TLN1: variants seen among roughly 807,000 people sequenced by gnomAD.
TLN1 encodes the protein talin 1.
TLN1 carries 56 observed loss-of-function variants against 292.3 expected under a neutral mutation model. The ratio of observed to expected loss-of-function variants is 0.19; its 90% CI spans 0.15 to 0.24. TLN1 has a LOEUF of 0.24. Ranked by LOEUF, TLN1 falls within the 10% of genes least tolerant of loss-of-function variation. TLN1 has a pLI of 1.00. For synonymous variants in TLN1, 1,119 were observed against 1,253.7 expected, an observed-to-expected ratio of 0.89 and a Z score of 2.27; for missense variants, 2,433 against 3,248.2, an observed-to-expected ratio of 0.75 and a Z score of 6.10.
At position 35,724,876 on chromosome 9, in the gene TLN1, G is replaced by A. The variant is rs1209512484; in HGVS notation, c.312C>T (p.Asp104=). The change falls in exon 4 of 57, where the codon GAC becomes GAT. Residue 104 remains aspartate (D), a synonymous_variant. Coordinates refer to ENST00000314888, the MANE Select transcript of TLN1 (RefSeq NM_006289.4). The surrounding 1 kb of genome is among the most constrained non-coding windows in gnomAD (Gnocchi z 4.7). ...DGTVKTIMVD[D]SKTVTDMLMT... is the part of the protein sequence containing the mutation. ...TGAGCATGTCAGTGACAGTCTTAGA[G>A]TCATCCACCATGATCGTCTTCACAG... is the stretch of plus-strand genomic sequence containing the variant. 1 of 1,614,052 alleles carries A rather than the reference G, an allele frequency of 6.2e-7. No individual in the cohort carries two copies. Among genetic ancestry groups the A allele is most frequent in the Non-Finnish European group, 8.5e-7 (1 of 1,180,048 alleles).
Position 35,707,694 on chromosome 9 carries a change from A to T in TLN1, c.4632+37T>A, listed in dbSNP as rs1452441049. ...GGGGACTCGGGGGAGAAGATAGGAC[A>T]GGTCAGGGAGAGGCTGGGAATTCAA... On this transcript the variant is annotated intron_variant, in intron 35 of 56. Transcript: ENST00000314888. The surrounding 1 kb of genome is among the most constrained non-coding windows in gnomAD (Gnocchi z 5.6). 4 of 1,613,376 alleles carry T rather than the reference A, an allele frequency of 2.5e-6. No individual in the cohort carries two copies. In the African/African-American group the frequency reaches 5.3e-5, roughly 22 times the overall value.
chr9:35,725,433 G>C lies in TLN1; in HGVS notation c.131-112C>G, dbSNP rs16932584. 16,126 of 1,535,932 alleles carry C rather than the reference G, an allele frequency of 0.01. 1,044 individuals are homozygous for C. The African/African-American group carries it at 0.16, about 15-fold the overall frequency. ...CCATGACCTTGGGCCTAAAGAACGA[G>C]GGAACCATGGAACACAGACCTGAGG... On this transcript the variant is annotated intron_variant, in intron 2 of 56. Transcript: ENST00000314888.
At chr9:35,705,022 C>G (rs1439019565) in intron 43 of TLN1, among the ~76,000 whole-genome samples, 1 of 152,168 alleles carries the variant, frequency 6.6e-6, no homozygotes, top group Non-Finnish European at 1.5e-5. Context: ...TAGTAGCACG[C>G]AGGCACTAAG....
At position 35,699,299 on chromosome 9, in the gene TLN1, A is replaced by T; in HGVS notation, c.6874+57T>A. On this transcript the variant is annotated intron_variant, in intron 51 of 56. Coordinates refer to ENST00000314888, the MANE Select transcript of TLN1 (RefSeq NM_006289.4). This position sits in a 1 kb window ranked among gnomAD's most constrained non-coding sequence, Gnocchi z 4.0. ...GCACAGAGCTGTCCAGCCAGGAAGC[A>T]GAGATCACACCATGATAAGGGTTTT... The T allele has an allele frequency of 1.9e-6, 3 of 1,571,648 alleles. No individual in the cohort carries two copies. In the South Asian group the frequency reaches 3.5e-5, roughly 19 times the overall value.
At chr9:35,710,081 G>A (rs1003949377) in intron 33 of TLN1, among the ~76,000 whole-genome samples, 1 of 147,052 alleles carries the variant, frequency 6.8e-6, no homozygotes, top group Non-Finnish European at 1.5e-5. Context: ...AAATTAGCCG[G>A]GTGTGGTGGT....
chr9:35,723,303 A>T (rs541951628), intron 7 of TLN1: 1 of 221,380 alleles, frequency 4.5e-6, no homozygotes, highest in Admixed American at 5.4e-5. Flanking sequence ...TGGTTTCTCC[A>T]CGTTGGTCAG....
In TLN1 at chr9:35,713,032, G is replaced by A; in HGVS notation, c.3364C>T (p.Arg1122Trp). Residue 1122 changes from arginine (R) to tryptophan (W), a missense_variant, in exon 27 of 57, where the codon CGG becomes TGG. By Grantham distance (101) the Arg-to-Trp change is moderately radical (BLOSUM62 -3). Transcript: ENST00000314888. Reference protein sequence around the residue: ...GNENYAGIAARDVAGGLRSLA... With the variant: ...GNENYAGIAAWDVAGGLRSLA... Reference sequence around the variant, plus strand: ...GACCGCAGCCCACCTGCCACATCCCGAGCTGCAATACCTTGGGAGATGAGG... The same window carrying A: ...GACCGCAGCCCACCTGCCACATCCCAAGCTGCAATACCTTGGGAGATGAGG... 6.2e-7 allele frequency: 1 copy of A among 1,608,250 alleles called. No individual in the cohort carries two copies. The highest frequency in any genetic ancestry group is 8.5e-7 in the Non-Finnish European group (1 of 1,177,560).
chr9:35,721,928 G>A (rs1825884849), intron 9 of TLN1, 125 bp from the exon 10 acceptor site: 6 of 1,338,692 alleles, frequency 4.5e-6, no homozygotes, highest in Non-Finnish European at 6.3e-6. Flanking sequence ...AAGGGAAAAT[G>A]CAGGGTAGGG....
In TLN1 at chr9:35,704,918, T is replaced by C; in HGVS notation, c.5734-103A>G. 7.4e-7 allele frequency: 1 copy of C among 1,349,012 alleles called. No homozygotes were observed. Among genetic ancestry groups the C allele is most frequent in the Non-Finnish European group, 1.0e-6 (1 of 986,582 alleles). The allele number at this position is 1,349,012 out of a possible 1,614,324, so 83.6% of individuals were successfully genotyped here. A position where few individuals can be genotyped will look rare whatever the true frequency, so the allele number is the denominator to read the frequency against. ...AGGACATAGAAAAAAACATGCATTG[T>C]AGACTAAAGAAGCAGAGAGAGAAGG... On this transcript the variant is annotated intron_variant, in intron 43 of 56. Transcript: ENST00000314888. This position sits in a 1 kb window ranked among gnomAD's most constrained non-coding sequence, Gnocchi z 6.9.
intron 28 of TLN1, 29 bp downstream of exon 28, chr9:35,711,976 C>T (rs775213659): frequency 1.7e-5 from 27 of 1,610,602 alleles, no homozygotes; most frequent in Admixed American, 6.7e-5. Flanking sequence ...TTGACTCCTA[C>T]GTTCCCCCAC....
Position 35,722,869 on chromosome 9 carries a change from T to A in TLN1, c.835A>T (p.Ile279Phe). 6.2e-7 allele frequency: 1 copy of A among 1,613,872 alleles called. No individual in the cohort carries two copies. Among genetic ancestry groups the A allele is most frequent in the Non-Finnish European group, 8.5e-7 (1 of 1,179,850 alleles). The change falls in exon 8 of 57, where the codon ATC becomes TTC. Residue 279 changes from isoleucine (I) to phenylalanine (F), a missense_variant. By Grantham distance (21) the Ile-to-Phe change is conservative. Around this residue, in one of 7 missense-constraint regions of TLN1, gnomAD observed 78 missense variants for 88.8 expected, o/e 0.88. Coordinates refer to ENST00000314888, the MANE Select transcript of TLN1 (RefSeq NM_006289.4). ...EYVKQKGERK[I>F]FQAHKNCGQM... ...CCCCTACCCACATTCACCTGGAAGA[T>A]CTTACGCTCTCCCTTCTGCTTCACA...
rs564670899 is a variant in TLN1, at chr9:35,697,584, T to C, written c.*207A>G. The C allele has an allele frequency of 1.1e-5, 7 of 639,390 alleles. No individual in the cohort carries two copies. The African/African-American group carries it at 1.1e-4, about 10-fold the overall frequency. 39.6% of individuals were successfully genotyped at this position (639,390 alleles called of 1,614,324 possible). A position where few individuals can be genotyped will look rare whatever the true frequency, so the allele number is the denominator to read the frequency against. ...TAATACTCTGGGGAGGGGCAGGCACTTGGGGGGCCCTAGGGCATGAAGGCA... is the reference window on the plus strand; with the variant it reads ...TAATACTCTGGGGAGGGGCAGGCACCTGGGGGGCCCTAGGGCATGAAGGCA... On this transcript the variant is annotated 3_prime_UTR_variant, in exon 57 of 57. Transcript: ENST00000314888.
chr9:35,699,882 G>C lies in TLN1; in HGVS notation c.6768+92C>G. The C allele has an allele frequency of 2.9e-6, 4 of 1,361,284 alleles. No homozygotes were observed. The highest frequency in any genetic ancestry group is 4.0e-6 in the Non-Finnish European group (4 of 990,726). 84.3% of individuals were successfully genotyped at this position (1,361,284 alleles called of 1,614,324 possible). On this transcript the variant is annotated intron_variant, in intron 50 of 56. Coordinates refer to ENST00000314888, the MANE Select transcript of TLN1 (RefSeq NM_006289.4). This position sits in a 1 kb window ranked among gnomAD's most constrained non-coding sequence, Gnocchi z 4.0. ...AGAGGGTGGGGTAGGGAGGAGATCT[G>C]AGCAAAACAGACAGCAGGGTGCGAG...
At chr9:35,703,081 A>C (rs1190134803) in intron 48 of TLN1, among the ~76,000 whole-genome samples, 1 of 152,018 alleles carries the variant, frequency 6.6e-6, no homozygotes, top group Non-Finnish European at 1.5e-5. Flanking sequence ...CGGGTGGATC[A>C]CTTGAGGCCA....
chr9:35,729,962 T>TAGAAAAAGGATGAGAAGACATGGTGC (rs1826043341), intron 1 of TLN1, among the ~76,000 whole-genome samples: 1 of 151,894 alleles, frequency 6.6e-6, no homozygotes. Flanking sequence ...AGACAGGGTG[T>TAGAAAAAGGATGAGAAGACATGGTGC]AGAAAAAGGA....
At chr9:35,705,113 T>C (rs1468694865) in intron 43 of TLN1, among the ~76,000 whole-genome samples, 1 of 152,150 alleles carries the variant, frequency 6.6e-6, no homozygotes, top group Non-Finnish European at 1.5e-5. Flanking sequence ...GGGCCGTGGA[T>C]TACCATGTGG....
At chr9:35,726,739 G>A (rs1208969931) in intron 1 of TLN1, among the ~76,000 whole-genome samples, 1 of 152,188 alleles carries the variant, frequency 6.6e-6, no homozygotes, top group Non-Finnish European at 1.5e-5. Flanking sequence ...AGCTAGAAAT[G>A]TGATTCTCTA....
intron 1 of TLN1, among the ~76,000 whole-genome samples, chr9:35,729,130 T>C (rs1165130948): frequency 6.6e-6 from 1 of 152,264 alleles, no homozygotes; most frequent in African/African-American, 2.4e-5. Flanking sequence ...GGTGTCATTA[T>C]TTCCATTTTT....
In TLN1 at chr9:35,719,053, C is replaced by T; in HGVS notation, c.1896+21G>A. On this transcript the variant is annotated intron_variant, in intron 16 of 56. Coordinates refer to ENST00000314888, the MANE Select transcript of TLN1 (RefSeq NM_006289.4). The surrounding 1 kb of genome is among the most constrained non-coding windows in gnomAD (Gnocchi z 4.6). ...GGCTTGAACCCTGTCTCCACCCTAACCCAAACCTGTGGCCCCTGACCTCAG... is the reference window on the plus strand; with the variant it reads ...GGCTTGAACCCTGTCTCCACCCTAATCCAAACCTGTGGCCCCTGACCTCAG... The T allele has an allele frequency of 3.1e-6, 5 of 1,606,572 alleles. No homozygotes were observed. Among genetic ancestry groups the T allele is most frequent in the Non-Finnish European group, 4.3e-6 (5 of 1,175,634 alleles).
Sources: gnomAD v4.1 joint callset for allele counts (sites outside exome capture counted in the v4.1 genomes callset) on GRCh38, gnomAD v4.1.1 for gene constraint, gnomAD v4.1.1 regional missense constraint, Gnocchi (gnomAD v3.1) non-coding constraint, MANE v1.5 for transcripts, NCBI Gene and HGNC (gene_info 2026-07-23, HGNC 2026-07-21) for gene names.